Variants in PARD3B observed in about 807,000 individuals in gnomAD.
PARD3B encodes the protein par-3 family cell polarity regulator beta.
Under a neutral mutation model 130.2 loss-of-function variants are expected in PARD3B, and 103 were observed. The ratio of observed to expected loss-of-function variants is 0.79; its 90% CI spans 0.67 to 0.93. PARD3B has a LOEUF of 0.93. Among genes scored for constraint, PARD3B ranks in the 40% least tolerant of loss-of-function variants. PARD3B has a pLI of 0.00. For synonymous variants in PARD3B, 583 were observed against 553.2 expected, an observed-to-expected ratio of 1.05 and a Z score of -0.76; for missense variants, 1,609 against 1,499.2, an observed-to-expected ratio of 1.07 and a Z score of -1.21.
chr2:204,821,724 TA>T (rs750214067), intron 2 of PARD3B, among the ~76,000 whole-genome samples: 12 of 151,076 alleles, frequency 7.9e-5, no homozygotes, highest in Admixed American at 2.0e-4. Context: ...TAAAAAAAAA[TA>T]AAAAAAATAG....
In PARD3B at chr2:205,550,854, G is replaced by T. The variant is rs193078948; in HGVS notation, c.3181-2470G>T. On this transcript the variant is annotated intron_variant, in intron 21 of 22. Coordinates refer to ENST00000406610, the MANE Select transcript of PARD3B (RefSeq NM_001302769.2). This position sits in a 1 kb window ranked among gnomAD's most constrained non-coding sequence, Gnocchi z 4.5. ...TTATGTATATTTGAATATTTTATATGTATATTTGTATGTATATATGTATAT... is the reference window on the plus strand; with the variant it reads ...TTATGTATATTTGAATATTTTATATTTATATTTGTATGTATATATGTATAT... Among the ~76,000 whole-genome samples the T allele has an allele frequency of 1.2e-3, 180 of 145,892 alleles. 3 individuals are homozygous for T. The Middle Eastern group carries it at 0.036, about 29-fold the overall frequency.
At chr2:204,948,161 AAATT>A (rs1293846994) in intron 2 of PARD3B, among the ~76,000 whole-genome samples, 1 of 152,188 alleles carries the variant, frequency 6.6e-6, no homozygotes, top group Non-Finnish European at 1.5e-5. Flanking sequence ...TTCAAACTAT[AAATT>A]AATGTGAGAC....
rs976658470 is a variant in PARD3B at position 205,366,456 on chromosome 2, G to A, written c.2631-34557G>A. Among the ~76,000 whole-genome samples, 1 of 152,090 alleles carries A rather than the reference G, an allele frequency of 6.6e-6. No homozygotes were observed. The highest frequency in any genetic ancestry group is 2.4e-5 in the African/African-American group (1 of 41,386). On this transcript the variant is annotated intron_variant, in intron 18 of 22. Coordinates refer to ENST00000406610, the MANE Select transcript of PARD3B (RefSeq NM_001302769.2). The surrounding 1 kb of genome is among the most constrained non-coding windows in gnomAD (Gnocchi z 5.0). The stretch of plus-strand genomic sequence containing the variant: ...TTACAGCAGCTTATATTTATGAAGT[G>A]TCTTTTTCTGACGAGTTTAAAAGAT...
rs73057112 is a variant in PARD3B, at chr2:205,061,523, A to T, written c.504+13833A>T. ...AGTGATTATTTGTAAAAATTCTTAG[A>T]ACACATGGTAAGCACTATGTGTGTG... On this transcript the variant is annotated intron_variant, in intron 4 of 22. Transcript: ENST00000406610. Among the ~76,000 whole-genome samples, 884 of 152,264 alleles carry T rather than the reference A, an allele frequency of 5.8e-3. 13 individuals are homozygous for T. The highest frequency in any genetic ancestry group is 0.02 in the African/African-American group (849 of 41,556).
At chr2:204,851,263 A>C (rs561480949) in intron 2 of PARD3B, among the ~76,000 whole-genome samples, 1 of 152,142 alleles carries the variant, frequency 6.6e-6, no homozygotes, top group Non-Finnish European at 1.5e-5. Context: ...AAAATAATTC[A>C]AGTCTGCCTG....
At chr2:205,086,606 A>T (rs1701755901) in intron 4 of PARD3B, among the ~76,000 whole-genome samples, 1 of 152,182 alleles carries the variant, frequency 6.6e-6, no homozygotes, top group Non-Finnish European at 1.5e-5. Flanking sequence ...AAAGTAATTA[A>T]TCCCTTGCTA....
At chr2:205,108,979 C>T (rs769213709) in intron 5 of PARD3B, among the ~76,000 whole-genome samples, 4 of 151,764 alleles carry the variant, frequency 2.6e-5, no homozygotes, top group Non-Finnish European at 5.9e-5. Context: ...TTGCATTCAC[C>T]GAGAATCTAC....
intron 3 of PARD3B, among the ~76,000 whole-genome samples, chr2:205,036,823 C>T (rs907330493): frequency 1.5e-4 from 22 of 150,792 alleles, no homozygotes; most frequent in South Asian, 2.1e-4. Flanking sequence ...ATATACACAA[C>T]GGACTGTATG....
At chr2:205,472,449 C>T (rs142549671) in intron 20 of PARD3B, among the ~76,000 whole-genome samples, 8 of 152,034 alleles carry the variant, frequency 5.3e-5, no homozygotes, top group Non-Finnish European at 1.2e-4. Context: ...ACATAGGGGC[C>T]ATCATACTGA....
chr2:204,571,376 G>A (rs1439419133), intron 1 of PARD3B, among the ~76,000 whole-genome samples: 7 of 152,188 alleles, frequency 4.6e-5, no homozygotes, highest in African/African-American at 1.2e-4. Flanking sequence ...TTACTTTCAA[G>A]TACACATTTC....
chr2:205,539,199 C>T (rs914876378), intron 21 of PARD3B, among the ~76,000 whole-genome samples: 6 of 152,182 alleles, frequency 3.9e-5, no homozygotes, highest in African/African-American at 1.4e-4. Flanking sequence ...GACCTACCCT[C>T]CCTGCCGTGT....
At chr2:205,192,428 G>A (rs1033916613) in intron 14 of PARD3B, among the ~76,000 whole-genome samples, 2 of 152,066 alleles carry the variant, frequency 1.3e-5, no homozygotes, top group African/African-American at 4.8e-5. Context: ...TAAGAAAATG[G>A]CTATAATTTA....
chr2:205,236,135 T>C (rs887568290), intron 15 of PARD3B, among the ~76,000 whole-genome samples: 1 of 152,228 alleles, frequency 6.6e-6, no homozygotes, highest in Non-Finnish European at 1.5e-5. Context: ...ATGATCATAT[T>C]CATGCAAGAA....
At chr2:205,412,973 AAGCATTC>A (rs1158396158) in intron 19 of PARD3B, among the ~76,000 whole-genome samples, 1 of 152,206 alleles carries the variant, frequency 6.6e-6, no homozygotes, top group African/African-American at 2.4e-5. Context: ...CTCTGAAGTG[AAGCATTC>A]AGAATAGTGC....
chr2:205,018,612 A>G (rs763703692), intron 3 of PARD3B, among the ~76,000 whole-genome samples: 15 of 151,184 alleles, frequency 9.9e-5, no homozygotes, highest in African/African-American at 1.9e-4. Flanking sequence ...TAAATGCATT[A>G]TGTACCAAAA....
chr2:204,715,231 A>AT (rs1173431540), intron 2 of PARD3B, among the ~76,000 whole-genome samples: 5 of 152,204 alleles, frequency 3.3e-5, no homozygotes, highest in Non-Finnish European at 5.9e-5. Flanking sequence ...CACTTTTAAA[A>AT]TTTAATATGG....
chr2:205,064,002 T>C (rs748352230), intron 4 of PARD3B, among the ~76,000 whole-genome samples: 3 of 151,958 alleles, frequency 2.0e-5, no homozygotes, highest in Non-Finnish European at 2.9e-5. Flanking sequence ...TAAAGGGAAG[T>C]GAGGTAAAAA....
chr2:204,609,064 T>C (rs190093529), intron 1 of PARD3B, among the ~76,000 whole-genome samples: 116 of 152,336 alleles, frequency 7.6e-4, no homozygotes, highest in African/African-American at 2.6e-3. Context: ...ATTCAGACTT[T>C]TGTTTTTAAA....
chr2:205,553,186 G>A lies in PARD3B; in HGVS notation c.3181-138G>A, dbSNP rs1020708126. The A allele has an allele frequency of 1.9e-5, 13 of 687,772 alleles. No homozygotes were observed. The African/African-American group carries it at 2.3e-4, about 12-fold the overall frequency. 42.6% of individuals were successfully genotyped at this position (687,772 alleles called of 1,614,324 possible). A position where few individuals can be genotyped will look rare whatever the true frequency, so the allele number is the denominator to read the frequency against. On this transcript the variant is annotated intron_variant, in intron 21 of 22. Transcript: ENST00000406610. ...GATCATCAATTCCTATAGCAATGTG[G>A]AGTTCTTGCTTGCTTTTCCATGGTT...
Sources: allele counts gnomAD v4.1 joint callset (sites outside exome capture counted in the v4.1 genomes callset), GRCh38; gene constraint gnomAD v4.1.1; non-coding constraint Gnocchi (gnomAD v3.1); transcripts MANE v1.5; gene names NCBI Gene and HGNC (gene_info 2026-07-23, HGNC 2026-07-21).